Variants in SUSD1 observed in about 807,000 individuals in gnomAD.
SUSD1 encodes sushi domain containing 1, also known as sushi domain-containing protein 1.
A neutral mutation model predicts 86.9 loss-of-function variants in SUSD1; 65 were observed. The observed-to-expected ratio is 0.75, with a 90% CI of 0.61 to 0.92. SUSD1 has a LOEUF of 0.92. Ranked by LOEUF, SUSD1 falls within the 40% of genes least tolerant of loss-of-function variation. The pLI, the probability that SUSD1 is intolerant of heterozygous loss-of-function variation, is 0.00. For synonymous variants in SUSD1, 346 were observed against 350.0 expected, an observed-to-expected ratio of 0.99 and a Z score of 0.13; for missense variants, 850 against 929.7, an observed-to-expected ratio of 0.91 and a Z score of 1.11.
intron 5 of SUSD1, among the ~76,000 whole-genome samples, chr9:112,136,926 G>A (rs547897533): frequency 8.5e-5 from 13 of 152,240 alleles, no homozygotes; most frequent in East Asian, 3.9e-4. Context: ...GTGCATGAAC[G>A]TGCATGTTTG....
At chr9:112,125,843 A>C (rs1831751392) in intron 5 of SUSD1, among the ~76,000 whole-genome samples, 1 of 152,210 alleles carries the variant, frequency 6.6e-6, no homozygotes, top group South Asian at 2.1e-4. Flanking sequence ...GCACTCTTTT[A>C]CATCCCATTA....
intron 15 of SUSD1, among the ~76,000 whole-genome samples, chr9:112,045,137 G>T (rs544055441): frequency 6.6e-6 from 1 of 151,662 alleles, no homozygotes; most frequent in Admixed American, 6.6e-5. Flanking sequence ...TAATTAACTA[G>T]ATTTGTTTTG....
intron 6 of SUSD1, among the ~76,000 whole-genome samples, chr9:112,120,833 T>C (rs1336436541): frequency 1.3e-5 from 2 of 152,220 alleles, no homozygotes; most frequent in Admixed American, 6.5e-5. Flanking sequence ...TATACCCCCA[T>C]TGACTGCTGA....
chr9:112,108,809 GAAAGA>G (rs1187632776), intron 8 of SUSD1, among the ~76,000 whole-genome samples: 28 of 98,678 alleles, frequency 2.8e-4, no homozygotes, highest in African/African-American at 1.1e-3. Context: ...AAGAAAGAAA[GAAAGA>G]AAAAAAAAAA....
At chr9:112,062,177 A>G (rs1828757184) in intron 13 of SUSD1, among the ~76,000 whole-genome samples, 1 of 151,828 alleles carries the variant, frequency 6.6e-6, no homozygotes, top group Non-Finnish European at 1.5e-5. Flanking sequence ...ACCACTGCAC[A>G]CCCCCCAAGA....
At chr9:112,160,577 G>T (rs1295886366) in intron 1 of SUSD1, among the ~76,000 whole-genome samples, 1 of 151,782 alleles carries the variant, frequency 6.6e-6, no homozygotes, top group Admixed American at 6.6e-5. Flanking sequence ...AGAAAGAGAT[G>T]GATGGGCCAG....
intron 13 of SUSD1, among the ~76,000 whole-genome samples, chr9:112,060,302 C>T (rs976367944): frequency 1.4e-4 from 22 of 152,160 alleles, no homozygotes; most frequent in African/African-American, 5.3e-4. Flanking sequence ...TGCTCTGCTG[C>T]CCAGGCTGGA....
intron 15 of SUSD1, 103 bp from the exon 16 acceptor site, chr9:112,042,063 C>T: frequency 2.6e-6 from 4 of 1,552,670 alleles, no homozygotes; most frequent in Non-Finnish European, 3.5e-6. Context: ...CAGAGCTTGG[C>T]CCCATTTAAC....
At position 112,041,852 on chromosome 9, in the gene SUSD1, G is replaced by T; in HGVS notation, c.2243+15C>A. 1.9e-6 allele frequency: 3 copies of T among 1,610,542 alleles called. No homozygotes were observed. The highest frequency in any genetic ancestry group is 2.2e-5 in the South Asian group (2 of 90,554). On this transcript the variant is annotated intron_variant, in intron 16 of 16. Coordinates refer to ENST00000374270, the MANE Select transcript of SUSD1 (RefSeq NM_022486.5). ...TCCATTCCAGTCATTTCTCAAAAAT[G>T]ACACCCTCACATACCACACCGCTGA...
intron 8 of SUSD1, among the ~76,000 whole-genome samples, chr9:112,110,316 T>C (rs1831036444): frequency 6.6e-6 from 1 of 152,068 alleles, no homozygotes; most frequent in African/African-American, 2.4e-5. Flanking sequence ...ACCACTGCAC[T>C]CCAGCCTGGG....
chr9:112,138,279 A>ATATACACATATATATATATGTG, intron 5 of SUSD1, among the ~76,000 whole-genome samples: 1 of 121,202 alleles, frequency 8.3e-6, no homozygotes, highest in Non-Finnish European at 1.7e-5. Flanking sequence ...ATATATATAT[A>ATATACACATATATATATATGTG]TGAAGTCCAG....
chr9:112,042,296 T>C (rs1827776118), intron 15 of SUSD1: 3 of 764,080 alleles, frequency 3.9e-6, no homozygotes, highest in African/African-American at 3.5e-5. Flanking sequence ...TTACATTTGA[T>C]AGATTTTTAT....
At chr9:112,156,405 T>C (rs1167945132) in intron 2 of SUSD1, among the ~76,000 whole-genome samples, 1 of 150,788 alleles carries the variant, frequency 6.6e-6, no homozygotes, top group Non-Finnish European at 1.5e-5. Flanking sequence ...GAGGCTGCAG[T>C]GAGCCAAGAT....
chr9:112,050,123 G>A (rs1480288800), intron 15 of SUSD1, among the ~76,000 whole-genome samples: 2 of 152,188 alleles, frequency 1.3e-5, no homozygotes, highest in Non-Finnish European at 2.9e-5. Flanking sequence ...TTCCTCGTGA[G>A]AACGCCATGC....
chr9:112,161,374 C>T (rs1475108714), intron 1 of SUSD1, among the ~76,000 whole-genome samples: 1 of 114,066 alleles, frequency 8.8e-6, no homozygotes, highest in Admixed American at 8.5e-5. Context: ...AGTAAGACTT[C>T]ATCTCAAAAA....
chr9:112,065,430 C>G (rs1828934144), intron 12 of SUSD1, among the ~76,000 whole-genome samples: 1 of 152,126 alleles, frequency 6.6e-6, no homozygotes, highest in Non-Finnish European at 1.5e-5. Context: ...GAGTCTGAGG[C>G]AGGTGAATTG....
intron 6 of SUSD1, among the ~76,000 whole-genome samples, chr9:112,120,192 A>G (rs942532841): frequency 6.6e-6 from 1 of 152,180 alleles, no homozygotes; most frequent in Admixed American, 6.6e-5. Context: ...CTGTAGTCCC[A>G]GCTGCTTGGG....
At chr9:112,128,387 C>A (rs1403711857) in intron 5 of SUSD1, among the ~76,000 whole-genome samples, 1 of 151,886 alleles carries the variant, frequency 6.6e-6, no homozygotes, top group Non-Finnish European at 1.5e-5. Context: ...AGCCACCATG[C>A]CCGGCCTACA....
chr9:112,106,447 A>G (rs1228543016), intron 8 of SUSD1, among the ~76,000 whole-genome samples: 2 of 152,162 alleles, frequency 1.3e-5, no homozygotes, highest in Non-Finnish European at 1.5e-5. Flanking sequence ...ACATTCTCAG[A>G]TCATCATGGA....
Sources: allele counts gnomAD v4.1 joint callset (sites outside exome capture counted in the v4.1 genomes callset), GRCh38; gene constraint gnomAD v4.1.1; transcripts MANE v1.5; gene names NCBI Gene and HGNC (gene_info 2026-07-23, HGNC 2026-07-21).